DRC3: variants seen among roughly 807,000 people sequenced by gnomAD.
DRC3 encodes dynein regulatory complex subunit 3, also known as leucine rich repeat containing 48.
A neutral mutation model predicts 57.6 loss-of-function variants in DRC3; 45 were observed. The ratio of observed to expected loss-of-function variants is 0.78; its 90% CI spans 0.62 to 1.00. The LOEUF is 1.00. Among genes scored for constraint, DRC3 ranks in the 50% least tolerant of loss-of-function variants. The probability of loss-of-function intolerance (pLI) is 0.00; values close to 1 mark genes in which losing one functional copy is unlikely to be tolerated. For synonymous variants in DRC3, 257 were observed against 272.3 expected (o/e 0.94, Z 0.55); for missense variants, 655 against 675.2 (o/e 0.97, Z 0.33).
chr17:18,007,158 C>CGGGCGGAGCATGTCGGGGAAGGGCGGGGG lies in DRC3; in HGVS notation c.1326+15_1326+16insGGAGCATGTCGGGGAAGGGCGGGGGGGGC. ...AACGACCTGCGCGCGGTAGGCGGGG[C>CGGGCGGAGCATGTCGGGGAAGGGCGGGGG]GGGCTGCTCGGAGCCTGACAGATGT... On this transcript the variant is annotated intron_variant, in intron 12 of 13. Coordinates refer to ENST00000399187, the MANE Select transcript of DRC3 (RefSeq NM_031294.4). 2 of 993,938 alleles carry CGGGCGGAGCATGTCGGGGAAGGGCGGGGG rather than the reference C, an allele frequency of 2.0e-6. 1 individual carries two copies. Among genetic ancestry groups the CGGGCGGAGCATGTCGGGGAAGGGCGGGGG allele is most frequent in the Non-Finnish European group, 2.8e-6 (2 of 704,810 alleles). The allele number at this position is 993,938 out of a possible 1,614,324, so 61.6% of individuals were successfully genotyped here. A position where few individuals can be genotyped will look rare whatever the true frequency, so the allele number is the denominator to read the frequency against.
Position 18,007,712 on chromosome 17 carries a change from A to G in DRC3, c.1326+565A>G, listed in dbSNP as rs1269967273. ...CGCTGGGTCCCGCGGCAGCATGTCTATGTCTCTGGAAGGAGTGTGGGCATC... is the reference window on the plus strand; with the variant it reads ...CGCTGGGTCCCGCGGCAGCATGTCTGTGTCTCTGGAAGGAGTGTGGGCATC... On this transcript the variant is annotated intron_variant, in intron 12 of 13. Coordinates refer to ENST00000399187, the MANE Select transcript of DRC3 (RefSeq NM_031294.4). The G allele has an allele frequency of 1.1e-5, 14 of 1,258,636 alleles. No homozygotes were observed. The South Asian group carries it at 1.5e-4, about 14-fold the overall frequency. The allele number at this position is 1,258,636 out of a possible 1,614,324, so 78.0% of individuals were successfully genotyped here.
intron 8 of DRC3, 116 bp downstream of exon 8, chr17:17,995,227 A>G: frequency 1.4e-6 from 1 of 707,812 alleles, no homozygotes; most frequent in East Asian, 2.8e-5. Context: ...TTGGGAGGTA[A>G]AATCTCCACT....
intron 9 of DRC3, among the ~76,000 whole-genome samples, chr17:18,000,731 A>G (rs377309272): frequency 1.8e-4 from 28 of 152,260 alleles, no homozygotes; most frequent in African/African-American, 9.6e-5. Context: ...ATGTTTGCCA[A>G]TCTGTGCACC....
intron 9 of DRC3, among the ~76,000 whole-genome samples, chr17:17,999,496 C>T (rs957265945): frequency 1.3e-5 from 2 of 152,146 alleles, no homozygotes; most frequent in Non-Finnish European, 2.9e-5. Flanking sequence ...AGTTCCCTCC[C>T]TGACAGGCCC....
At chr17:18,000,179 G>C (rs1051562080) in intron 9 of DRC3, among the ~76,000 whole-genome samples, 1 of 133,410 alleles carries the variant, frequency 7.5e-6, no homozygotes, top group Non-Finnish European at 1.5e-5. Flanking sequence ...GCCCTGTTCT[G>C]TACTTTGCTT....
chr17:17,998,030 C>T (rs2043535576), intron 9 of DRC3, among the ~76,000 whole-genome samples: 2 of 152,192 alleles, frequency 1.3e-5, no homozygotes, highest in South Asian at 2.1e-4. Flanking sequence ...ATTTTCTGAG[C>T]TCTACTCTCT....
chr17:18,006,884 G>A, intron 11 of DRC3, 140 bp from the exon 12 acceptor site: 2 of 1,383,126 alleles, frequency 1.4e-6, no homozygotes, highest in Non-Finnish European at 2.0e-6. Context: ...CCAGGGTTCG[G>A]AGCTTGTGAG....
At chr17:17,981,637 A>G (rs2042693724) in intron 3 of DRC3, 1 of 152,434 alleles carries the variant, frequency 6.6e-6, no homozygotes, top group South Asian at 2.1e-4. Flanking sequence ...GGGATGCAGC[A>G]GACTGGCTGG....
At chr17:18,003,082 G>C (rs972931952) in intron 9 of DRC3, among the ~76,000 whole-genome samples, 1 of 152,134 alleles carries the variant, frequency 6.6e-6, no homozygotes, top group Admixed American at 6.6e-5. Flanking sequence ...AAAGAGGTTT[G>C]GGCTAAGGCA....
rs2044052616 is a variant in DRC3 at position 18,008,291 on chromosome 17, A to G, written c.1326+1144A>G. On this transcript the variant is annotated intron_variant, in intron 12 of 13. Coordinates refer to ENST00000399187, the MANE Select transcript of DRC3 (RefSeq NM_031294.4). The surrounding 1 kb of genome is among the most constrained non-coding windows in gnomAD (Gnocchi z 4.3). Reference sequence around the variant, plus strand: ...AGGCCTTTCTTCATCAACTTCCAGAAAAACCACTGTCTCTGTATCACATGC... The same window carrying G: ...AGGCCTTTCTTCATCAACTTCCAGAGAAACCACTGTCTCTGTATCACATGC... 6.6e-6 allele frequency among the ~76,000 whole-genome samples: 1 copy of G among 152,208 alleles called. No homozygotes were observed. Among genetic ancestry groups the G allele is most frequent in the South Asian group, 2.1e-4 (1 of 4,828 alleles).
chr17:17,987,214 CAAAAAAAAAAAAAA>C (rs1046062123), intron 4 of DRC3, among the ~76,000 whole-genome samples: 1 of 45,190 alleles, frequency 2.2e-5, no homozygotes, highest in Non-Finnish European at 3.9e-5. Context: ...GACCCTGTCT[CAAAAAAAAAAAAAA>C]AAAAAAAAAA....
chr17:18,002,325 C>A (rs1025606025), intron 9 of DRC3, among the ~76,000 whole-genome samples: 1 of 152,078 alleles, frequency 6.6e-6, no homozygotes. Context: ...TGTCATTCGC[C>A]CCCTTCAATC....
Position 17,983,854 on chromosome 17 carries a change from CAG to C in DRC3, c.188_189del (p.Gln63LeufsTer2), listed in dbSNP as rs2042829497. 1 of 1,613,228 alleles carries C rather than the reference CAG, an allele frequency of 6.2e-7. No individual in the cohort carries two copies. The highest frequency in any genetic ancestry group is 1.7e-5 in the Admixed American group (1 of 59,972). On this transcript the variant is annotated frameshift_variant, in exon 4 of 14. Transcript: ENST00000399187. LOFTEE classifies it high-confidence loss of function. ...RNILRIDNLW[Q>X]FENLRKLQLD... The stretch of plus-strand genomic sequence containing the variant: ...CATCCTCCGCATAGACAACCTCTGG[CAG>C]TTTGAGAACTTGAGGAAGCTGCAGC...
intron 4 of DRC3, among the ~76,000 whole-genome samples, chr17:17,986,557 G>A (rs2042968927): frequency 6.7e-6 from 1 of 149,304 alleles, no homozygotes; most frequent in African/African-American, 2.5e-5. Flanking sequence ...CCACCTCCAA[G>A]GTTCAAGTGG....
intron 12 of DRC3, chr17:18,010,876 T>A (rs1420324920): frequency 8.3e-6 from 3 of 359,936 alleles, no homozygotes; most frequent in African/African-American, 6.5e-5. Context: ...CTATCTCTTC[T>A]CCCCGCCCAT....
intron 12 of DRC3, among the ~76,000 whole-genome samples, chr17:18,014,879 T>G: frequency 6.6e-6 from 1 of 152,306 alleles, no homozygotes; most frequent in South Asian, 2.1e-4. Flanking sequence ...GGAAAGAACT[T>G]AATAATTTCT....
chr17:18,011,825 C>T (rs1597647785), intron 12 of DRC3: 1 of 178,280 alleles, frequency 5.6e-6, no homozygotes, highest in Non-Finnish European at 1.2e-5. Flanking sequence ...GTGGCTACAA[C>T]ACAGGGTTTT....
chr17:18,015,936 G>A, intron 12 of DRC3, 128 bp from the exon 13 acceptor site: 3 of 927,998 alleles, frequency 3.2e-6, no homozygotes, highest in Non-Finnish European at 4.9e-6. Context: ...CTGATACAAA[G>A]GTGGGCTCTG....
chr17:17,986,756 G>A (rs1018514143), intron 4 of DRC3, among the ~76,000 whole-genome samples: 4 of 150,714 alleles, frequency 2.7e-5, no homozygotes, highest in South Asian at 2.2e-4. Flanking sequence ...AAGCCACTAC[G>A]CCCAGCCCCA....
Sources: allele counts gnomAD v4.1 joint callset (sites outside exome capture counted in the v4.1 genomes callset), GRCh38; gene constraint gnomAD v4.1.1; non-coding constraint Gnocchi (gnomAD v3.1); transcripts MANE v1.5; gene names NCBI Gene and HGNC (gene_info 2026-07-23, HGNC 2026-07-21).